MARCHF10: variants seen among roughly 807,000 people sequenced by gnomAD.
The protein encoded by MARCHF10 is membrane associated ring-CH-type finger 10, also known as probable E3 ubiquitin-protein ligase MARCHF10.
MARCHF10 carries 64 observed loss-of-function variants against 76.2 expected under a neutral mutation model. The ratio of observed to expected loss-of-function variants is 0.84; its 90% confidence interval spans 0.69 to 1.03. The LOEUF is 1.03. MARCHF10 is among the 50% of genes least tolerant of loss of function. The pLI, the probability that MARCHF10 is intolerant of heterozygous loss-of-function variation, is 0.00. For synonymous variants in MARCHF10, 340 were observed against 357.5 expected (o/e 0.95, Z 0.55); for missense variants, 875 against 958.0 (o/e 0.91, Z 1.14).
chr17:62,737,223 AGGG>A lies in MARCHF10; in HGVS notation c.642_644del (p.Pro215del). The A allele has an allele frequency of 6.2e-7, 1 of 1,614,018 alleles. No homozygotes were observed. The highest frequency in any genetic ancestry group is 1.3e-5 in the African/African-American group (1 of 74,998). On this transcript the variant is annotated inframe_deletion, in exon 6 of 11. Transcript: ENST00000311269. The stretch of plus-strand genomic sequence containing the variant: ...TCGGGTCTCCTTTTTTGGCTCTATC[AGGG>A]GCGTTCTCAGTCATTGGCTGTGACG...
At chr17:62,737,535 C>G in intron 5 of MARCHF10, 1 of 576,946 alleles carries the variant, frequency 1.7e-6, no homozygotes, top group East Asian at 3.0e-5. Flanking sequence ...CTTTGTACCC[C>G]TGTGGTCCTA....
chr17:62,721,423 T>A (rs551363951), intron 8 of MARCHF10, among the ~76,000 whole-genome samples: 2 of 152,064 alleles, frequency 1.3e-5, no homozygotes, highest in Non-Finnish European at 2.9e-5. Context: ...TTACAGGATA[T>A]GTTGATTAGA....
chr17:62,743,232 G>A (rs1456687619), intron 5 of MARCHF10, among the ~76,000 whole-genome samples: 1 of 152,190 alleles, frequency 6.6e-6, no homozygotes, highest in African/African-American at 2.4e-5. Context: ...AGAAGGCATT[G>A]ATCACTGGGA....
intron 2 of MARCHF10, among the ~76,000 whole-genome samples, chr17:62,801,261 C>A (rs1488286001): frequency 1.3e-5 from 2 of 152,048 alleles, no homozygotes; most frequent in African/African-American, 4.8e-5. Flanking sequence ...CGGGTTCAAG[C>A]GATTCTCCTG....
intron 6 of MARCHF10, among the ~76,000 whole-genome samples, chr17:62,728,172 A>G (rs1471728068): frequency 1.3e-5 from 2 of 151,546 alleles, no homozygotes; most frequent in East Asian, 3.9e-4. Flanking sequence ...CCACAGGTGC[A>G]CGCCACCATG....
rs374933176 is a variant in MARCHF10 at position 62,730,707 on chromosome 17, A to G, written c.1937+5224T>C. 2.1e-4 allele frequency among the ~76,000 whole-genome samples: 32 copies of G among 152,266 alleles called. No individual in the cohort carries two copies. In the East Asian group the frequency reaches 3.3e-3, roughly 16 times the overall value. On this transcript the variant is annotated intron_variant, in intron 6 of 10. Coordinates refer to ENST00000311269, the MANE Select transcript of MARCHF10 (RefSeq NM_152598.4). ...TCAGGAGTTCGAGACCAGCCTGCCCAATGTGGTGAAACCCTGTCTCTACTA... is the reference window on the plus strand; with the variant it reads ...TCAGGAGTTCGAGACCAGCCTGCCCGATGTGGTGAAACCCTGTCTCTACTA...
chr17:62,704,226 C>T (rs1056778335), intron 10 of MARCHF10, among the ~76,000 whole-genome samples: 1 of 151,648 alleles, frequency 6.6e-6, no homozygotes, highest in Non-Finnish European at 1.5e-5. Flanking sequence ...GCCGCGGGGC[C>T]GAGGCGCAGG....
chr17:62,717,593 G>C (rs1179846846), intron 8 of MARCHF10, among the ~76,000 whole-genome samples: 1 of 152,252 alleles, frequency 6.6e-6, no homozygotes, highest in African/African-American at 2.4e-5. Flanking sequence ...CGAGGGCGGA[G>C]GAGGGAGAAG....
chr17:62,737,752 G>A (rs983032320), intron 5 of MARCHF10: 1 of 176,808 alleles, frequency 5.7e-6, no homozygotes, highest in Non-Finnish European at 1.2e-5. Context: ...TTCATTCAAT[G>A]TACATTTATG....
rs577004140 is a variant in MARCHF10, at chr17:62,732,004, C to A, written c.1937+3927G>T. On this transcript the variant is annotated intron_variant, in intron 6 of 10. Coordinates refer to ENST00000311269, the MANE Select transcript of MARCHF10 (RefSeq NM_152598.4). ...CAGTTGGATTTCTACATCTTAGCAA[C>A]AAAGAGTTAAAATTAGAATTTAAAA... Among the ~76,000 whole-genome samples, 3 of 152,080 alleles carry A rather than the reference C, an allele frequency of 2.0e-5. No individual in the cohort carries two copies. The South Asian group carries it at 6.2e-4, about 32-fold the overall frequency.
In MARCHF10 at chr17:62,736,449, A is replaced by G. The variant is rs367809217; in HGVS notation, c.1419T>C (p.Pro473=). Residue 473 remains proline, a synonymous_variant, in exon 6 of 11, where the codon CCT becomes CCC. Transcript: ENST00000311269. ...RSSVNSSYNP[P]ASFMHSALRD... Reference sequence around the variant, plus strand: ...TCAGAGCAGAATGCATGAATGATGCAGGAGGGTTATAGGATGAATTCACTG... The same window carrying G: ...TCAGAGCAGAATGCATGAATGATGCGGGAGGGTTATAGGATGAATTCACTG... The G allele has an allele frequency of 3.6e-5, 58 of 1,614,104 alleles. No homozygotes were observed. Among genetic ancestry groups the G allele is most frequent in the Non-Finnish European group, 4.6e-5 (54 of 1,180,020 alleles).
At chr17:62,707,865 G>A (rs898177973) in intron 9 of MARCHF10, among the ~76,000 whole-genome samples, 1 of 152,170 alleles carries the variant, frequency 6.6e-6, no homozygotes, top group Non-Finnish European at 1.5e-5. Flanking sequence ...TTTGAATAGC[G>A]GCTGAGGTGG....
chr17:62,767,450 C>CCT lies in MARCHF10; in HGVS notation c.211-7445_211-7444insAG, dbSNP rs67106553. Among the ~76,000 whole-genome samples the CCT allele has an allele frequency of 2.0e-4, 27 of 134,788 alleles. 3 individuals are homozygous for CCT. Among genetic ancestry groups the CCT allele is most frequent in the South Asian group, 2.3e-4 (1 of 4,384 alleles). 88.4% of individuals were successfully genotyped at this position (134,788 alleles called of 152,430 possible). Reference sequence around the variant, plus strand: ...AGCTTTGAATTGGTGGGTCTGTATTCTTTTTTTTTTTTTTTTTTGAGATGG... The same window carrying CCT: ...AGCTTTGAATTGGTGGGTCTGTATTCCTTTTTTTTTTTTTTTTTTTGAGATGG... On this transcript the variant is annotated intron_variant, in intron 3 of 10. Coordinates refer to ENST00000311269, the MANE Select transcript of MARCHF10 (RefSeq NM_152598.4).
At position 62,702,263 on chromosome 17, in the gene MARCHF10, TG is replaced by T. The variant is rs781442443; in HGVS notation, c.2372-506del. Among the ~76,000 whole-genome samples, 8 of 151,012 alleles carry T rather than the reference TG, an allele frequency of 5.3e-5. No homozygotes were observed. In the East Asian group the frequency reaches 1.4e-3, roughly 26 times the overall value. On this transcript the variant is annotated intron_variant, in intron 10 of 10. Coordinates refer to ENST00000311269, the MANE Select transcript of MARCHF10 (RefSeq NM_152598.4). ...GTCCCAGTGGAGGAGGTGGAGTTGG[TG>T]GGGGTGGGTGGTCTCCTTTATTCTT...
chr17:62,806,594 A>C (rs969883135), intron 1 of MARCHF10: 3 of 152,258 alleles, frequency 2.0e-5, no homozygotes, highest in African/African-American at 4.8e-5. Flanking sequence ...AGGCAGGTGG[A>C]GAAGGAAGGA....
chr17:62,783,263 C>T (rs1397303044), intron 3 of MARCHF10, among the ~76,000 whole-genome samples: 1 of 127,558 alleles, frequency 7.8e-6, no homozygotes, highest in African/African-American at 3.2e-5. Flanking sequence ...GTATTGGCTG[C>T]TCCTGAATGA....
intron 3 of MARCHF10, among the ~76,000 whole-genome samples, chr17:62,774,553 G>C (rs138107605): frequency 4.6e-5 from 7 of 152,216 alleles, no homozygotes; most frequent in Non-Finnish European, 1.0e-4. Flanking sequence ...GCTTCACTGC[G>C]GCAGGGAGGG....
At chr17:62,768,836 C>T (rs1009289701) in intron 3 of MARCHF10, among the ~76,000 whole-genome samples, 4 of 152,278 alleles carry the variant, frequency 2.6e-5, no homozygotes, top group Non-Finnish European at 2.9e-5. Context: ...AAAATTTAAT[C>T]GTTCCATCAT....
chr17:62,792,831 GCCACCACCACCT>G (rs1365080117), intron 2 of MARCHF10, among the ~76,000 whole-genome samples: 3 of 36,976 alleles, frequency 8.1e-5, no homozygotes, highest in Admixed American at 6.0e-4. Context: ...CACCTCCACT[GCCACCACCACCT>G]CCACCACCAC....
Sources: gnomAD v4.1 joint callset for allele counts (sites outside exome capture counted in the v4.1 genomes callset) on GRCh38, gnomAD v4.1.1 for gene constraint, MANE v1.5 for transcripts, NCBI Gene and HGNC (gene_info 2026-07-23, HGNC 2026-07-21) for gene names.